RBM47: variants seen among roughly 807,000 people sequenced by gnomAD.
RBM47 encodes RNA-binding protein 47.
In RBM47, 21 loss-of-function variants were observed where a neutral mutation model predicts 47.1. The observed-to-expected ratio is 0.45, with a 90% CI of 0.32 to 0.64. The LOEUF is 0.64. Ranked by LOEUF, RBM47 falls within the 30% of genes least tolerant of loss-of-function variation. The probability of loss-of-function intolerance (pLI) is 0.05; values close to 1 mark genes in which losing one functional copy is unlikely to be tolerated. For synonymous variants in RBM47, 375 were observed against 361.7 expected (o/e 1.04, Z -0.42); for missense variants, 708 against 870.9 (o/e 0.81, Z 2.35).
At chr4:40,429,294 C>T (rs570914422) in intron 6 of RBM47, among the ~76,000 whole-genome samples, 2 of 151,806 alleles carry the variant, frequency 1.3e-5, no homozygotes, top group Non-Finnish European at 2.9e-5. Context: ...GGAAAGTTCT[C>T]TACTTAATAA....
intron 2 of RBM47, among the ~76,000 whole-genome samples, chr4:40,493,648 G>A (rs557331833): frequency 1.1e-3 from 164 of 152,122 alleles, no homozygotes; most frequent in Admixed American, 2.2e-3. Context: ...GCCAGGCGTG[G>A]TGGTGGGCAC....
In RBM47 at chr4:40,426,063, G is replaced by C; in HGVS notation, c.1623C>G (p.Tyr541Ter). ...CTGTAGCTGGAGCAGCAAATGGCACGTAACTGGCCCCGTAGATCCCGGCAG... is the reference window on the plus strand; with the variant it reads ...CTGTAGCTGGAGCAGCAAATGGCACCTAACTGGCCCCGTAGATCCCGGCAG... ...IPTAGIYGAS[Y>*]VPFAAPATAT... The change falls in exon 7 of 7, where the codon TAC becomes TAG. Residue 541 changes from tyrosine to a stop codon, truncating the protein, a stop_gained. Transcript: ENST00000295971. LOFTEE classifies it high-confidence loss of function. 6.2e-7 allele frequency: 1 copy of C among 1,614,240 alleles called. No individual in the cohort carries two copies. The highest frequency in any genetic ancestry group is 8.5e-7 in the Non-Finnish European group (1 of 1,180,056).
chr4:40,625,102 C>T (rs746151262), intron 1 of RBM47, among the ~76,000 whole-genome samples: 5 of 152,088 alleles, frequency 3.3e-5, no homozygotes, highest in Admixed American at 1.3e-4. Flanking sequence ...CCCGCCTTGG[C>T]CTCCCAAAGT....
intron 6 of RBM47, among the ~76,000 whole-genome samples, chr4:40,431,538 G>A (rs941998793): frequency 3.3e-5 from 5 of 151,976 alleles, no homozygotes; most frequent in Non-Finnish European, 7.4e-5. Context: ...TGCGCCTGTA[G>A]TCCCAGCTAC....
chr4:40,553,141 CTTTT>C (rs749256704), intron 1 of RBM47, among the ~76,000 whole-genome samples: 4 of 135,688 alleles, frequency 2.9e-5, no homozygotes, highest in Non-Finnish European at 6.4e-5. Flanking sequence ...CCTCTGATTG[CTTTT>C]TTTTTTTTTT....
chr4:40,528,838 G>A (rs1450875105), intron 2 of RBM47, among the ~76,000 whole-genome samples: 1 of 151,974 alleles, frequency 6.6e-6, no homozygotes, highest in East Asian at 1.9e-4. Flanking sequence ...AGCTACTTAG[G>A]AGGCTAAGGC....
intron 1 of RBM47, among the ~76,000 whole-genome samples, chr4:40,585,797 C>T (rs1348824169): frequency 6.6e-6 from 1 of 152,224 alleles, no homozygotes; most frequent in African/African-American, 2.4e-5. Context: ...CAGCATCTGT[C>T]GTTCACTGCT....
intron 2 of RBM47, among the ~76,000 whole-genome samples, chr4:40,499,590 A>G (rs1316276068): frequency 6.6e-6 from 1 of 152,068 alleles, no homozygotes; most frequent in East Asian, 1.9e-4. Flanking sequence ...TTTTATTTTT[A>G]GTAGAGACGG....
intron 1 of RBM47, among the ~76,000 whole-genome samples, chr4:40,612,764 G>C (rs1736372800): frequency 6.6e-6 from 1 of 152,118 alleles, no homozygotes; most frequent in Non-Finnish European, 1.5e-5. Flanking sequence ...AAAAATGAGA[G>C]CTCATTCAGC....
intron 3 of RBM47, among the ~76,000 whole-genome samples, chr4:40,446,738 C>CAAAAAAAAA (rs34186378): frequency 3.9e-5 from 3 of 76,306 alleles, no homozygotes; most frequent in African/African-American, 1.2e-4. Context: ...GACCCAGTCT[C>CAAAAAAAAA]AAAAAAAAAA....
intron 2 of RBM47, among the ~76,000 whole-genome samples, chr4:40,540,656 AT>A (rs766510054): frequency 0.015 from 1,617 of 107,612 alleles, 59 homozygotes; most frequent in African/African-American, 0.083. Flanking sequence ...AAAAAAAATA[AT>A]AATAATAATA....
At chr4:40,495,574 C>T (rs1270985871) in intron 2 of RBM47, among the ~76,000 whole-genome samples, 1 of 151,824 alleles carries the variant, frequency 6.6e-6, no homozygotes, top group Non-Finnish European at 1.5e-5. Context: ...TGCACTCCAG[C>T]CTGGGTGACA....
At chr4:40,474,385 G>A (rs568575476) in intron 2 of RBM47, among the ~76,000 whole-genome samples, 1 of 152,130 alleles carries the variant, frequency 6.6e-6, no homozygotes, top group East Asian at 1.9e-4. Flanking sequence ...GTCATCCAGA[G>A]TAAAAGACAC....
At chr4:40,474,815 T>C (rs1337804079) in intron 2 of RBM47, among the ~76,000 whole-genome samples, 1 of 152,202 alleles carries the variant, frequency 6.6e-6, no homozygotes, top group Admixed American at 6.5e-5. Flanking sequence ...TGTAGGCTAA[T>C]AAAAAGTATA....
chr4:40,438,856 T>C lies in RBM47; in HGVS notation c.38A>G (p.Asp13Gly). 1 of 1,560,470 alleles carries C rather than the reference T, an allele frequency of 6.4e-7. No homozygotes were observed. ...CTTGGCGGAGGACCCGGCGGCCGAG[T>C]CACTGCTCATGGCTGCGGTGGAATC... ...AEDSTAAMSS[D>G]SAAGSSAKVP... Residue 13 changes from aspartate to glycine, a missense_variant, in exon 4 of 7, where the codon GAC (aspartate) becomes GGC (glycine). Asp to Gly is a moderately conservative substitution (Grantham distance 94). Coordinates refer to ENST00000295971, the MANE Select transcript of RBM47 (RefSeq NM_001098634.2).
intron 6 of RBM47, among the ~76,000 whole-genome samples, chr4:40,428,077 C>T (rs1041345636): frequency 1.8e-4 from 28 of 152,074 alleles, no homozygotes; most frequent in African/African-American, 5.3e-4. Flanking sequence ...CCTGTAGTTC[C>T]AGCTACTCAA....
intron 2 of RBM47, among the ~76,000 whole-genome samples, chr4:40,525,475 T>A (rs1054704174): frequency 2.6e-5 from 4 of 152,162 alleles, no homozygotes; most frequent in African/African-American, 7.2e-5. Context: ...TTGGCCAGAT[T>A]TCTTTAACAA....
chr4:40,547,417 C>A (rs1168915303), intron 1 of RBM47, among the ~76,000 whole-genome samples: 2 of 152,218 alleles, frequency 1.3e-5, no homozygotes, highest in Non-Finnish European at 2.9e-5. Flanking sequence ...TGTGAGGGCA[C>A]AGTGAGTGGG....
intron 3 of RBM47, among the ~76,000 whole-genome samples, chr4:40,444,507 C>G (rs769643726): frequency 6.6e-6 from 1 of 152,006 alleles, no homozygotes; most frequent in Non-Finnish European, 1.5e-5. Flanking sequence ...GACAGTGTGG[C>G]TCATAAAGCC....
Sources: allele counts gnomAD v4.1 joint callset (sites outside exome capture counted in the v4.1 genomes callset), GRCh38; gene constraint gnomAD v4.1.1; transcripts MANE v1.5; gene names NCBI Gene and HGNC (gene_info 2026-07-23, HGNC 2026-07-21).